Variants in LINGO2 observed in about 807,000 individuals in gnomAD.
The protein encoded by LINGO2 is leucine rich repeat and Ig domain containing 2.
A neutral mutation model predicts 30.6 loss-of-function variants in LINGO2; 14 were observed. The ratio of observed to expected loss-of-function variants is 0.46; its 90% CI spans 0.30 to 0.72. LINGO2 has a LOEUF of 0.72. Among genes scored for constraint, LINGO2 ranks in the 30% least tolerant of loss-of-function variants. The pLI is 0.07. For missense variants in LINGO2, 729 were observed against 751.7 expected (o/e 0.97, Z 0.35); for synonymous variants, 317 against 288.5 (o/e 1.10, Z -1.00).
chr9:28,216,755 C>A (rs985948384), intron 4 of LINGO2, among the ~76,000 whole-genome samples: 2 of 151,746 alleles, frequency 1.3e-5, no homozygotes, highest in Non-Finnish European at 2.9e-5. Flanking sequence ...TAAAATGGCT[C>A]ATTTATGATC....
At chr9:28,353,740 C>G (rs1414270442) in intron 3 of LINGO2, among the ~76,000 whole-genome samples, 2 of 152,094 alleles carry the variant, frequency 1.3e-5, no homozygotes, top group African/African-American at 2.4e-5. Flanking sequence ...ATAGCAAAGA[C>G]TTGGAACCAA....
At chr9:28,275,129 C>T (rs755027540) in intron 4 of LINGO2, among the ~76,000 whole-genome samples, 28 of 152,108 alleles carry the variant, frequency 1.8e-4, no homozygotes, top group African/African-American at 6.0e-4. Flanking sequence ...AGTGCAGTGG[C>T]GCTATCTTGG....
chr9:28,624,792 T>C (rs1312132258), intron 1 of LINGO2, among the ~76,000 whole-genome samples: 4 of 151,582 alleles, frequency 2.6e-5, no homozygotes, highest in Non-Finnish European at 5.9e-5. Context: ...GGGCCTAGAA[T>C]GGGGTCCTTA....
the LINGO2 span, among the ~76,000 whole-genome samples, chr9:29,160,082 T>C: frequency 6.6e-6 from 1 of 152,168 alleles, no homozygotes; most frequent in East Asian, 1.9e-4. Context: ...TATATCAGAA[T>C]CACCTAAAGA....
chr9:28,294,032 T>C (rs1299776254), intron 4 of LINGO2, among the ~76,000 whole-genome samples: 4 of 152,228 alleles, frequency 2.6e-5, no homozygotes, highest in Non-Finnish European at 5.9e-5. Flanking sequence ...TAAACATTTC[T>C]GCCATGAGAT....
the LINGO2 span, among the ~76,000 whole-genome samples, chr9:29,143,801 T>C: frequency 6.6e-6 from 1 of 152,310 alleles, no homozygotes; most frequent in East Asian, 1.9e-4. Context: ...GTTTTTGCTT[T>C]CATTGCAATT....
chr9:28,815,160 G>A, the LINGO2 span, among the ~76,000 whole-genome samples: 1 of 152,302 alleles, frequency 6.6e-6, no homozygotes, highest in African/African-American at 2.4e-5. Flanking sequence ...ATAATAATAG[G>A]TTGAGAAATA....
chr9:28,572,224 T>C (rs1327101118), intron 1 of LINGO2, among the ~76,000 whole-genome samples: 1 of 152,090 alleles, frequency 6.6e-6, no homozygotes, highest in African/African-American at 2.4e-5. Context: ...TCTAATTAAT[T>C]CATATTTTAT....
intron 1 of LINGO2, among the ~76,000 whole-genome samples, chr9:28,638,323 G>T (rs955761991): frequency 6.6e-6 from 1 of 152,164 alleles, no homozygotes; most frequent in Non-Finnish European, 1.5e-5. Context: ...TCAGGATGAT[G>T]CTGGCCTCAT....
rs538011237 is a variant in LINGO2, at chr9:28,417,103, A to G, written c.-278-44235T>C. Reference sequence around the variant, plus strand: ...TAGTAAGGAGTTCAGATAAAAAAAAAGCTGATTCAGTTATATATTGCTGTG... The same window carrying G: ...TAGTAAGGAGTTCAGATAAAAAAAAGGCTGATTCAGTTATATATTGCTGTG... On this transcript the variant is annotated intron_variant, in intron 2 of 5. Transcript: ENST00000379992. Among the ~76,000 whole-genome samples the G allele has an allele frequency of 5.3e-5, 8 of 152,142 alleles. No individual in the cohort carries two copies. In the East Asian group the frequency reaches 1.5e-3, roughly 29 times the overall value.
In LINGO2 at chr9:28,454,597, C is replaced by T. The variant is rs117375523; in HGVS notation, c.-279+21343G>A. 6.5e-3 allele frequency among the ~76,000 whole-genome samples: 985 copies of T among 151,812 alleles called. 41 individuals are homozygous for T. The East Asian group carries it at 0.094, about 15-fold the overall frequency. On this transcript the variant is annotated intron_variant, in intron 2 of 5. Transcript: ENST00000379992. ...TACATATACATATTATATATATATA[C>T]ACAATGTACATATATATTCTGTACT...
chr9:27,967,588 ATTTT>A (rs1449260212), intron 5 of LINGO2, among the ~76,000 whole-genome samples: 1 of 152,066 alleles, frequency 6.6e-6, no homozygotes, highest in Non-Finnish European at 1.5e-5. Flanking sequence ...TTATGCTTCT[ATTTT>A]TTGTTTATTT....
intron 4 of LINGO2, among the ~76,000 whole-genome samples, chr9:28,057,293 A>G (rs978932449): frequency 7.5e-5 from 11 of 146,784 alleles, no homozygotes; most frequent in Non-Finnish European, 1.7e-4. Flanking sequence ...TTTTTTTTTT[A>G]TTGCAGGATT....
chr9:28,982,065 G>A, the LINGO2 span, among the ~76,000 whole-genome samples: 2 of 152,042 alleles, frequency 1.3e-5, no homozygotes, highest in Admixed American at 1.3e-4. Flanking sequence ...TTATGAGTGT[G>A]TTTCTCAAAA....
At position 28,048,259 on chromosome 9, in the gene LINGO2, T is replaced by C. The variant is rs564006839; in HGVS notation, c.-86-35854A>G. Reference sequence around the variant, plus strand: ...CACAGAAGAAACTCGGGAAACACATTGCCCCAACTAAATCTATAAATACAG... The same window carrying C: ...CACAGAAGAAACTCGGGAAACACATCGCCCCAACTAAATCTATAAATACAG... On this transcript the variant is annotated intron_variant, in intron 4 of 5. Coordinates refer to ENST00000379992, the Ensembl canonical transcript of LINGO2. Among the ~76,000 whole-genome samples, 4 of 151,086 alleles carry C rather than the reference T, an allele frequency of 2.6e-5. No individual in the cohort carries two copies. The South Asian group carries it at 8.4e-4, about 32-fold the overall frequency.
chr9:28,565,852 C>A (rs1320120926), intron 1 of LINGO2, among the ~76,000 whole-genome samples: 2 of 152,074 alleles, frequency 1.3e-5, no homozygotes, highest in African/African-American at 4.8e-5. Flanking sequence ...CTGTGACGAG[C>A]CCAAAAGGAT....
chr9:28,750,180 C>T, the LINGO2 span, among the ~76,000 whole-genome samples: 1 of 152,122 alleles, frequency 6.6e-6, no homozygotes, highest in African/African-American at 2.4e-5. Flanking sequence ...TTCCTTCGCA[C>T]TAGAATCTGT....
intron 3 of LINGO2, among the ~76,000 whole-genome samples, chr9:28,365,570 AAGTGAGTAGGC>A (rs11270154): frequency 0.17 from 26,506 of 151,892 alleles, 2,824 homozygotes; most frequent in African/African-American, 0.29. Context: ...CTGAGGTAGC[AAGTGAGTAGGC>A]AGTTAAAGGG....
intron 4 of LINGO2, among the ~76,000 whole-genome samples, chr9:28,291,184 CTTAGTG>C (rs1268172139): frequency 6.6e-6 from 1 of 152,190 alleles, no homozygotes; most frequent in African/African-American, 2.4e-5. Context: ...GCACTTGAAT[CTTAGTG>C]TTGGGGTTCC....
Sources: gnomAD v4.1 joint callset for allele counts (sites outside exome capture counted in the v4.1 genomes callset) on GRCh38, gnomAD v4.1.1 for gene constraint, MANE v1.5 for transcripts, NCBI Gene and HGNC (gene_info 2026-07-23, HGNC 2026-07-21) for gene names.